SMURF1: variants seen among roughly 807,000 people sequenced by gnomAD.
SMURF1 encodes the protein E3 ubiquitin-protein ligase SMURF1.
Under a neutral mutation model 98.0 loss-of-function variants are expected in SMURF1, and 44 were observed. That is an observed-to-expected ratio of 0.45 (90% CI 0.35 to 0.58). SMURF1 has a LOEUF of 0.58. Among genes scored for constraint, SMURF1 ranks in the 20% least tolerant of loss-of-function variants. The pLI, the probability that SMURF1 is intolerant of heterozygous loss-of-function variation, is 0.00. For synonymous variants in SMURF1, 396 were observed against 374.9 expected (o/e 1.06, Z -0.65); for missense variants, 687 against 938.4 (o/e 0.73, Z 3.50).
chr7:99,046,155 C>T (rs1004535303), intron 10 of SMURF1, among the ~76,000 whole-genome samples: 3 of 152,082 alleles, frequency 2.0e-5, no homozygotes, highest in African/African-American at 4.8e-5. Context: ...TGCATCGCAA[C>T]CAAAATCAAG....
intron 1 of SMURF1, among the ~76,000 whole-genome samples, chr7:99,069,253 C>G (rs1796268501): frequency 6.6e-6 from 1 of 152,142 alleles, no homozygotes; most frequent in Non-Finnish European, 1.5e-5. Flanking sequence ...TCTTTTTAAT[C>G]CTATTTAAGA....
chr7:99,063,052 T>C (rs1796072419), intron 1 of SMURF1, among the ~76,000 whole-genome samples: 1 of 151,310 alleles, frequency 6.6e-6, no homozygotes, highest in Non-Finnish European at 1.5e-5. Flanking sequence ...TTGTCCTCAA[T>C]TTTAAGAATA....
intron 11 of SMURF1, among the ~76,000 whole-genome samples, chr7:99,044,526 C>G (rs1181819739): frequency 1.3e-5 from 2 of 152,056 alleles, no homozygotes; most frequent in African/African-American, 4.8e-5. Flanking sequence ...TTAACCTTGA[C>G]AACATAAAAG....
chr7:99,143,366 TGCAAGGGGCGGGGCCAGGAAAAGAGAA>T (rs1798181769), intron 1 of SMURF1, among the ~76,000 whole-genome samples: 2 of 63,188 alleles, frequency 3.2e-5, no homozygotes, highest in East Asian at 8.4e-4. Flanking sequence ...TGGAAGGAGA[TGCAAGGGGCGGGGCCAGGAAAAGAGAA>T]GCGAGGGGCG....
intron 1 of SMURF1, among the ~76,000 whole-genome samples, chr7:99,085,403 TG>T (rs1385088929): frequency 6.6e-6 from 1 of 151,290 alleles, no homozygotes; most frequent in Non-Finnish European, 1.5e-5. Flanking sequence ...GAAAGTCTCC[TG>T]GGAGGGACCT....
intron 1 of SMURF1, among the ~76,000 whole-genome samples, chr7:99,103,649 T>C (rs1028527757): frequency 1.8e-4 from 27 of 152,356 alleles, no homozygotes; most frequent in African/African-American, 6.3e-4. Flanking sequence ...AAATCTTCCA[T>C]TTAAAGCACA....
chr7:99,137,036 T>G (rs114699782), intron 1 of SMURF1, among the ~76,000 whole-genome samples: 2,260 of 152,284 alleles, frequency 0.015, 44 homozygotes, highest in African/African-American at 0.049. Context: ...AAGATAATAC[T>G]GGTTTTGGCT....
At chr7:99,086,115 G>A (rs1796672594) in intron 1 of SMURF1, among the ~76,000 whole-genome samples, 1 of 152,154 alleles carries the variant, frequency 6.6e-6, no homozygotes. Context: ...AGAGGCCGAG[G>A]TGGGTGGATC....
chr7:99,052,503 G>A (rs1795783986), intron 6 of SMURF1, 57 bp from the exon 7 acceptor site: 1 of 1,460,196 alleles, frequency 6.8e-7, no homozygotes, highest in African/African-American at 1.4e-5. Flanking sequence ...CACAAGACCA[G>A]CGCCTTAGGG....
chr7:99,061,955 T>A, intron 1 of SMURF1, 118 bp from the exon 2 acceptor site: 5 of 703,772 alleles, frequency 7.1e-6, no homozygotes, highest in Non-Finnish European at 1.1e-5. Flanking sequence ...AAGATTTGAC[T>A]TTCAAATCTA....
In SMURF1 at chr7:99,030,289, T is replaced by C. The variant is rs547564472; in HGVS notation, c.*295A>G. ...GCTGTGAGCCTTATCACCACATGGGTTGCAACACAGCAGAATATCCTGTGT... is the reference window on the plus strand; with the variant it reads ...GCTGTGAGCCTTATCACCACATGGGCTGCAACACAGCAGAATATCCTGTGT... On this transcript the variant is annotated 3_prime_UTR_variant, in exon 18 of 18. Transcript: ENST00000361368. 2.2e-5 allele frequency: 8 copies of C among 355,982 alleles called. No homozygotes were observed. The highest frequency in any genetic ancestry group is 1.7e-4 in the Admixed American group (4 of 23,908). The allele number at this position is 355,982 out of a possible 1,614,324, so 22.1% of individuals were successfully genotyped here.
At chr7:99,094,838 T>C (rs1488227298) in intron 1 of SMURF1, among the ~76,000 whole-genome samples, 2 of 152,166 alleles carry the variant, frequency 1.3e-5, no homozygotes, top group Non-Finnish European at 2.9e-5. Flanking sequence ...CAAAAAATTA[T>C]TTTATGCCAC....
intron 1 of SMURF1, among the ~76,000 whole-genome samples, chr7:99,125,769 C>T (rs1283451191): frequency 1.3e-5 from 2 of 152,224 alleles, no homozygotes; most frequent in Non-Finnish European, 2.9e-5. Flanking sequence ...CCATGCTATC[C>T]TCAGGGCATG....
intron 1 of SMURF1, among the ~76,000 whole-genome samples, chr7:99,134,182 GT>G (rs200696951): frequency 3.2e-4 from 43 of 135,048 alleles, no homozygotes; most frequent in Non-Finnish European, 5.6e-4. Flanking sequence ...GTTTTGTTTC[GT>G]TTTTTTTTGC....
chr7:99,083,985 T>A (rs985412300), intron 1 of SMURF1, among the ~76,000 whole-genome samples: 3 of 152,170 alleles, frequency 2.0e-5, no homozygotes, highest in Non-Finnish European at 4.4e-5. Context: ...TATGCCTGAC[T>A]CTGTGTTAAG....
intron 14 of SMURF1, among the ~76,000 whole-genome samples, chr7:99,037,644 C>G (rs1795198249): frequency 6.6e-6 from 1 of 152,228 alleles, no homozygotes; most frequent in Non-Finnish European, 1.5e-5. Context: ...GCTAGTAGTA[C>G]CAAACCTTGG....
At chr7:99,053,280 A>G (rs1241163044) in intron 6 of SMURF1, among the ~76,000 whole-genome samples, 1 of 152,146 alleles carries the variant, frequency 6.6e-6, no homozygotes, top group African/African-American at 2.4e-5. Flanking sequence ...AATATGTATA[A>G]AAAATGAGAG....
At chr7:99,086,322 G>A (rs561169626) in intron 1 of SMURF1, among the ~76,000 whole-genome samples, 2 of 151,690 alleles carry the variant, frequency 1.3e-5, no homozygotes, top group African/African-American at 4.8e-5. Context: ...CTCCAGTCTG[G>A]GCAACAGAGT....
intron 1 of SMURF1, among the ~76,000 whole-genome samples, chr7:99,110,231 A>G (rs1419810587): frequency 6.6e-6 from 1 of 152,268 alleles, no homozygotes; most frequent in Non-Finnish European, 1.5e-5. Flanking sequence ...CAGTGAAAAA[A>G]GATAAAATTC....
Sources: gnomAD v4.1 joint callset for allele counts (sites outside exome capture counted in the v4.1 genomes callset) on GRCh38, gnomAD v4.1.1 for gene constraint, MANE v1.5 for transcripts, NCBI Gene and HGNC (gene_info 2026-07-23, HGNC 2026-07-21) for gene names.